The following NSMCE2 variants were observed in gnomAD, a reference collection of about 807,000 sequenced individuals.
NSMCE2 encodes E3 SUMO-protein ligase NSE2.
Under a neutral mutation model 23.8 loss-of-function variants are expected in NSMCE2, and 24 were observed. The observed-to-expected ratio is 1.01, with a 90% CI of 0.73 to 1.42. NSMCE2 has a LOEUF of 1.42. Among genes scored for constraint, NSMCE2 ranks in the 40% most tolerant of loss-of-function variants. The probability of loss-of-function intolerance (pLI) is 0.00; values close to 1 mark genes in which losing one functional copy is unlikely to be tolerated. For synonymous variants in NSMCE2, 92 were observed against 94.1 expected, an observed-to-expected ratio of 0.98 and a Z score of 0.13; for missense variants, 284 against 296.5, an observed-to-expected ratio of 0.96 and a Z score of 0.31.
intron 5 of NSMCE2, among the ~76,000 whole-genome samples, chr8:125,324,033 A>G (rs1046602419): frequency 1.3e-5 from 2 of 152,358 alleles, no homozygotes; most frequent in African/African-American, 2.4e-5. Context: ...ACTAACATGA[A>G]CAGACACTTA....
chr8:125,283,771 C>A lies in NSMCE2; in HGVS notation c.419-73448C>A, dbSNP rs113250389. ...TGACACAGCACAGTCAACATGTAGA[C>A]CCTAGAGGAACCCAGGGCCCATTTT... On this transcript the variant is annotated intron_variant, in intron 5 of 7. Coordinates refer to ENST00000287437, the MANE Select transcript of NSMCE2 (RefSeq NM_173685.4). 2.1e-3 allele frequency among the ~76,000 whole-genome samples: 323 copies of A among 152,260 alleles called. 1 individual carries two copies. Among genetic ancestry groups the A allele is most frequent in the African/African-American group, 7.3e-3 (305 of 41,550 alleles).
chr8:125,094,599 A>T (rs1161224601), intron 1 of NSMCE2: 3 of 152,224 alleles, frequency 2.0e-5, no homozygotes, highest in African/African-American at 7.2e-5. Flanking sequence ...TTTATACTGG[A>T]TTGCATTAAT....
At chr8:125,350,347 C>T (rs1304146409) in intron 5 of NSMCE2, among the ~76,000 whole-genome samples, 2 of 152,092 alleles carry the variant, frequency 1.3e-5, no homozygotes, top group Admixed American at 1.3e-4. Flanking sequence ...AGGACAGGCA[C>T]AGAGCAGGAG....
intron 5 of NSMCE2, among the ~76,000 whole-genome samples, chr8:125,200,192 A>G (rs1443441109): frequency 6.6e-6 from 1 of 152,062 alleles, no homozygotes; most frequent in South Asian, 2.1e-4. Context: ...TAATATTGTT[A>G]TGTTTGGATT....
intron 5 of NSMCE2, among the ~76,000 whole-genome samples, chr8:125,342,770 G>A (rs1830295213): frequency 1.3e-5 from 2 of 152,098 alleles, no homozygotes; most frequent in Non-Finnish European, 1.5e-5. Context: ...TGTCATCACA[G>A]ATGAGTGTTC....
At position 125,354,073 on chromosome 8, in the gene NSMCE2, A is replaced by G. The variant is rs533200591; in HGVS notation, c.419-3146A>G. ...CAGCTTCCTGAGTAGCTCAGGTTAT[A>G]GGCGCCCACCACCACGCCCAGCTAA... On this transcript the variant is annotated intron_variant, in intron 5 of 7. Coordinates refer to ENST00000287437, the MANE Select transcript of NSMCE2 (RefSeq NM_173685.4). Among the ~76,000 whole-genome samples the G allele has an allele frequency of 3.2e-4, 49 of 150,888 alleles. 1 individual carries two copies. In the East Asian group the frequency reaches 9.1e-3, roughly 28 times the overall value.
At chr8:125,343,910 G>T (rs1563796553) in intron 5 of NSMCE2, among the ~76,000 whole-genome samples, 1 of 152,168 alleles carries the variant, frequency 6.6e-6, no homozygotes, top group Non-Finnish European at 1.5e-5. Context: ...GGAGGCTGAG[G>T]CAGGAGAATG....
intron 5 of NSMCE2, among the ~76,000 whole-genome samples, chr8:125,227,464 A>G (rs1825147266): frequency 6.6e-6 from 1 of 152,200 alleles, no homozygotes; most frequent in South Asian, 2.1e-4. Context: ...TAACGAATCA[A>G]ATGTTTCTTT....
intron 5 of NSMCE2, among the ~76,000 whole-genome samples, chr8:125,246,892 T>C (rs564874211): frequency 3.8e-4 from 58 of 152,312 alleles, no homozygotes; most frequent in African/African-American, 1.3e-3. Context: ...ATTTTCTTTT[T>C]TTTCTTTTTC....
intron 5 of NSMCE2, among the ~76,000 whole-genome samples, chr8:125,290,340 A>G (rs1292711148): frequency 1.3e-5 from 2 of 152,194 alleles, no homozygotes; most frequent in Non-Finnish European, 2.9e-5. Context: ...AAAATTTTAA[A>G]TAAGCTGTAA....
rs185838053 is a variant in NSMCE2, at chr8:125,223,228, C to T, written c.418+40972C>T. Reference sequence around the variant, plus strand: ...AAAAAATTAGCCAGACATGGTGGTACACACCTGTGGTCCCAGCTACTTGGC... The same window carrying T: ...AAAAAATTAGCCAGACATGGTGGTATACACCTGTGGTCCCAGCTACTTGGC... On this transcript the variant is annotated intron_variant, in intron 5 of 7. Transcript: ENST00000287437. 1.2e-3 allele frequency among the ~76,000 whole-genome samples: 186 copies of T among 151,494 alleles called. 3 individuals carry two copies. The highest frequency in any genetic ancestry group is 1.3e-4 in the Non-Finnish European group (9 of 67,870).
Position 125,358,705 on chromosome 8 carries a change from A to G in NSMCE2, c.626+887A>G, listed in dbSNP as rs1456095678. Among the ~76,000 whole-genome samples, 3 of 152,242 alleles carry G rather than the reference A, an allele frequency of 2.0e-5. No homozygotes were observed. The East Asian group carries it at 5.8e-4, about 29-fold the overall frequency. ...GTGACTAGTTCTCAATTGACTTCTG[A>G]TAACAGTCCCTTTGATGTGTGGCTT... On this transcript the variant is annotated intron_variant, in intron 7 of 7. Coordinates refer to ENST00000287437, the MANE Select transcript of NSMCE2 (RefSeq NM_173685.4).
At chr8:125,165,769 A>G (rs7813225) in intron 4 of NSMCE2, among the ~76,000 whole-genome samples, 55,917 of 151,984 alleles carry the variant, frequency 0.37, 13,819 homozygotes, top group African/African-American at 0.7. Flanking sequence ...TTTTGATTAG[A>G]CTTGTGATGG....
intron 3 of NSMCE2, among the ~76,000 whole-genome samples, chr8:125,111,001 T>C (rs912027449): frequency 2.0e-5 from 3 of 152,114 alleles, no homozygotes; most frequent in African/African-American, 7.2e-5. Context: ...TCATGTTTGC[T>C]CTTCTTTGCA....
At chr8:125,356,326 G>GTTTTTTTTTTTTTTTTTTTTTT (rs747884264) in intron 5 of NSMCE2, among the ~76,000 whole-genome samples, 2 of 105,438 alleles carry the variant, frequency 1.9e-5, no homozygotes, top group African/African-American at 3.6e-5. Context: ...TAATTTTTTG[G>GTTTTTTTTTTTTTTTTTTTTTT]TTTTTTTTTT....
intron 5 of NSMCE2, among the ~76,000 whole-genome samples, chr8:125,213,860 G>A (rs1203002656): frequency 6.6e-6 from 1 of 151,946 alleles, no homozygotes; most frequent in Non-Finnish European, 1.5e-5. Context: ...GGTAAGAGTT[G>A]TGCCTTTCTA....
chr8:125,296,838 C>T (rs975665157), intron 5 of NSMCE2, among the ~76,000 whole-genome samples: 3 of 152,064 alleles, frequency 2.0e-5, no homozygotes, highest in Non-Finnish European at 2.9e-5. Flanking sequence ...GGTGTACTTT[C>T]GTGGAATAAA....
chr8:125,204,911 A>G (rs1317968791), intron 5 of NSMCE2, among the ~76,000 whole-genome samples: 1 of 152,194 alleles, frequency 6.6e-6, no homozygotes, highest in Non-Finnish European at 1.5e-5. Context: ...TCTGCAGCAT[A>G]TACCTGGTCA....
intron 5 of NSMCE2, among the ~76,000 whole-genome samples, chr8:125,273,477 T>G (rs1464149024): frequency 6.6e-6 from 1 of 152,260 alleles, no homozygotes; most frequent in Non-Finnish European, 1.5e-5. Flanking sequence ...ACTTTCACAA[T>G]GCCTTCCTGG....
Sources: gnomAD v4.1 joint callset for allele counts (sites outside exome capture counted in the v4.1 genomes callset) on GRCh38, gnomAD v4.1.1 for gene constraint, MANE v1.5 for transcripts, NCBI Gene and HGNC (gene_info 2026-07-23, HGNC 2026-07-21) for gene names.